Variants in TRAPPC9 observed in about 807,000 individuals in gnomAD.
The protein encoded by TRAPPC9 is IKK2 binding protein.
In TRAPPC9, 83 loss-of-function variants were observed where a neutral mutation model predicts 124.0. That is an observed-to-expected ratio of 0.67 (90% CI 0.56 to 0.80). The LOEUF (loss-of-function observed/expected upper bound fraction) is 0.80, where lower values mean the gene tolerates loss of function less well. Among genes scored for constraint, TRAPPC9 ranks in the 30% least tolerant of loss-of-function variants. TRAPPC9 has a pLI of 0.00. For synonymous variants in TRAPPC9, 638 were observed against 617.5 expected (o/e 1.03, Z -0.49); for missense variants, 1,302 against 1,508.3 (o/e 0.86, Z 2.27).
At chr8:140,322,380 T>C (rs2066619146) in intron 9 of TRAPPC9, among the ~76,000 whole-genome samples, 1 of 152,180 alleles carries the variant, frequency 6.6e-6, no homozygotes, top group Non-Finnish European at 1.5e-5. Flanking sequence ...CCCACCCCCC[T>C]GGTGGCAAGC....
At chr8:139,819,167 G>C (rs1825074676) in intron 21 of TRAPPC9, among the ~76,000 whole-genome samples, 5 of 152,172 alleles carry the variant, frequency 3.3e-5, no homozygotes, top group Admixed American at 3.3e-4. Context: ...ATTATGAACT[G>C]CACATGTGAT....
intron 2 of TRAPPC9, among the ~76,000 whole-genome samples, chr8:140,443,528 A>G (rs1588367323): frequency 6.6e-6 from 1 of 152,226 alleles, no homozygotes; most frequent in East Asian, 1.9e-4. Context: ...CCTTTTGACT[A>G]CGTGCCTGAT....
intron 18 of TRAPPC9, among the ~76,000 whole-genome samples, chr8:140,020,490 G>T (rs75095923): frequency 6.6e-6 from 1 of 152,046 alleles, no homozygotes; most frequent in Non-Finnish European, 1.5e-5. Context: ...AACCAGTTGC[G>T]GTCCTCTGCA....
At chr8:139,804,916 GCTCCC>G (rs996117979) in intron 21 of TRAPPC9, among the ~76,000 whole-genome samples, 2 of 152,180 alleles carry the variant, frequency 1.3e-5, no homozygotes, top group Non-Finnish European at 1.5e-5. Flanking sequence ...ACCAAGGAAA[GCTCCC>G]CACCAGCCAC....
chr8:139,799,215 A>AT (rs796122643), intron 21 of TRAPPC9, among the ~76,000 whole-genome samples: 36 of 149,622 alleles, frequency 2.4e-4, no homozygotes, highest in Middle Eastern at 6.9e-3. Flanking sequence ...AAAACCTATC[A>AT]TTTTTTTTTT....
At chr8:140,112,526 G>C (rs1472013183) in intron 17 of TRAPPC9, among the ~76,000 whole-genome samples, 6 of 152,214 alleles carry the variant, frequency 3.9e-5, no homozygotes, top group Non-Finnish European at 8.8e-5. Context: ...CTCCCGACCA[G>C]TAAGCCTCCA....
intron 17 of TRAPPC9, among the ~76,000 whole-genome samples, chr8:140,154,734 C>A (rs2061600655): frequency 6.6e-6 from 1 of 152,204 alleles, no homozygotes. Context: ...GCTTTTATCT[C>A]AGTTTGAAGT....
intron 17 of TRAPPC9, chr8:140,098,266 C>G (rs904938225): frequency 6.6e-6 from 1 of 151,322 alleles, no homozygotes; most frequent in African/African-American, 2.4e-5. Context: ...TTCCTGCGAT[C>G]TCCAGAGCCA....
At chr8:140,394,266 A>T (rs1489805182) in intron 7 of TRAPPC9, among the ~76,000 whole-genome samples, 1 of 152,184 alleles carries the variant, frequency 6.6e-6, no homozygotes, top group African/African-American at 2.4e-5. Flanking sequence ...CCACTGCTTC[A>T]GGCTTTCGGA....
rs562952468 is a variant in TRAPPC9, at chr8:140,410,837, T to A, written c.887-5139A>T. Among the ~76,000 whole-genome samples, 66 of 144,536 alleles carry A rather than the reference T, an allele frequency of 4.6e-4. 2 individuals carry two copies. The South Asian group carries it at 0.014, about 31-fold the overall frequency. 94.8% of individuals were successfully genotyped at this position (144,536 alleles called of 152,430 possible). A position where few individuals can be genotyped will look rare whatever the true frequency, so the allele number is the denominator to read the frequency against. ...TAGCCTGGGTGACAGAGCGAGACTG[T>A]CTCAAAAAAAAAAAAAATTATATAG... is the stretch of plus-strand genomic sequence containing the variant. On this transcript the variant is annotated intron_variant, in intron 5 of 22. Transcript: ENST00000438773.
At position 139,847,376 on chromosome 8, in the gene TRAPPC9, A is replaced by G. The variant is rs76597707; in HGVS notation, c.3055+38503T>C. Reference sequence around the variant, plus strand: ...AATCAATGCAATTAATTCAGTCAGAAGGAAAGACACGTGCAAGCACAGGGG... The same window carrying G: ...AATCAATGCAATTAATTCAGTCAGAGGGAAAGACACGTGCAAGCACAGGGG... On this transcript the variant is annotated intron_variant, in intron 21 of 22. Coordinates refer to ENST00000438773, the MANE Select transcript of TRAPPC9 (RefSeq NM_001160372.4). Among the ~76,000 whole-genome samples, 19 of 152,380 alleles carry G rather than the reference A, an allele frequency of 1.2e-4. No homozygotes were observed. In the East Asian group the frequency reaches 2.9e-3, roughly 23 times the overall value.
intron 17 of TRAPPC9, among the ~76,000 whole-genome samples, chr8:140,133,928 C>A (rs140694927): frequency 4.0e-5 from 6 of 150,900 alleles, no homozygotes; most frequent in Admixed American, 2.6e-4. Flanking sequence ...AGACATCCCA[C>A]GTTCATGGAT....
At chr8:140,202,644 T>C (rs1010000350) in intron 17 of TRAPPC9, among the ~76,000 whole-genome samples, 4 of 152,208 alleles carry the variant, frequency 2.6e-5, no homozygotes, top group African/African-American at 7.2e-5. Flanking sequence ...ATGACTGACA[T>C]ATTTGTACTA....
chr8:139,764,930 C>T (rs956500365), intron 21 of TRAPPC9, among the ~76,000 whole-genome samples: 10 of 152,310 alleles, frequency 6.6e-5, no homozygotes, highest in Non-Finnish European at 2.9e-5. Flanking sequence ...TGTCTCTCTG[C>T]AATACTTATC....
intron 21 of TRAPPC9, among the ~76,000 whole-genome samples, chr8:139,848,314 T>C (rs1349421534): frequency 1.3e-5 from 2 of 152,230 alleles, no homozygotes; most frequent in African/African-American, 4.8e-5. Flanking sequence ...CTGAAGCCCA[T>C]GTTGCCTCTA....
intron 1 of TRAPPC9, among the ~76,000 whole-genome samples, chr8:140,453,139 T>A (rs1052566854): frequency 3.3e-5 from 5 of 152,068 alleles, no homozygotes; most frequent in Admixed American, 1.3e-4. Flanking sequence ...GCTCTCTGTA[T>A]CAAATAAGAA....
At chr8:139,993,035 G>T (rs1355410106) in intron 18 of TRAPPC9, among the ~76,000 whole-genome samples, 1 of 152,014 alleles carries the variant, frequency 6.6e-6, no homozygotes, top group Non-Finnish European at 1.5e-5. Flanking sequence ...AAAATATAAG[G>T]GAAAAGAATA....
At chr8:140,017,309 A>G (rs1484265687) in intron 18 of TRAPPC9, among the ~76,000 whole-genome samples, 6 of 152,214 alleles carry the variant, frequency 3.9e-5, no homozygotes, top group African/African-American at 1.4e-4. Context: ...CCCTAAATCA[A>G]GAAGATACTG....
intron 21 of TRAPPC9, among the ~76,000 whole-genome samples, chr8:139,798,602 CAGGATCTGTGCTTTGAA>C (rs1294950099): frequency 6.6e-6 from 1 of 152,142 alleles, no homozygotes; most frequent in Admixed American, 6.5e-5. Context: ...GTGGCTTTCT[CAGGATCTGTGCTTTGAA>C]AGAGGTCAGC....
Sources: allele counts gnomAD v4.1 joint callset (sites outside exome capture counted in the v4.1 genomes callset), GRCh38; gene constraint gnomAD v4.1.1; transcripts MANE v1.5; gene names NCBI Gene and HGNC (gene_info 2026-07-23, HGNC 2026-07-21).